PCDHGA1: variants seen among roughly 807,000 people sequenced by gnomAD.
PCDHGA1 encodes the protein protocadherin gamma-A1.
PCDHGA1 carries 32 observed loss-of-function variants against 58.0 expected under a neutral mutation model. The ratio of observed to expected loss-of-function variants is 0.55; its 90% CI spans 0.42 to 0.74. The LOEUF (loss-of-function observed/expected upper bound fraction) is 0.74. Ranked by LOEUF, PCDHGA1 falls within the 30% of genes least tolerant of loss-of-function variation. The pLI is 0.00. For missense variants in PCDHGA1, 1,205 were observed against 1,182.3 expected, an observed-to-expected ratio of 1.02 and a Z score of -0.28; for synonymous variants, 498 against 501.1, an observed-to-expected ratio of 0.99 and a Z score of 0.08.
At chr5:141,346,892 C>A (rs1049996512) in intron 1 of PCDHGA1, among the ~76,000 whole-genome samples, 1 of 152,168 alleles carries the variant, frequency 6.6e-6, no homozygotes, top group Non-Finnish European at 1.5e-5. Context: ...TATAGCTTAT[C>A]CTGATACATA....
At chr5:141,356,034 G>A (rs374294861) in intron 1 of PCDHGA1, 39 of 1,613,910 alleles carry the variant, frequency 2.4e-5, no homozygotes, top group South Asian at 1.2e-4. Context: ...GAGACGTGAC[G>A]TATTCTTTCC....
chr5:141,397,268 T>A (rs532503951), intron 1 of PCDHGA1, among the ~76,000 whole-genome samples: 2 of 152,298 alleles, frequency 1.3e-5, no homozygotes, highest in South Asian at 4.1e-4. Context: ...CTTAGCTACA[T>A]CATATGGGCA....
intron 1 of PCDHGA1, chr5:141,416,346 T>A (rs2096017940): frequency 6.6e-6 from 1 of 152,238 alleles, no homozygotes; most frequent in African/African-American, 2.4e-5. Flanking sequence ...TCAATAGGGA[T>A]CCTGAGGAGG....
intron 1 of PCDHGA1, among the ~76,000 whole-genome samples, chr5:141,449,061 A>G (rs1280366583): frequency 1.3e-5 from 2 of 152,190 alleles, no homozygotes; most frequent in Non-Finnish European, 2.9e-5. Context: ...AATGAGCGCT[A>G]TTGAATAGCC....
intron 1 of PCDHGA1, chr5:141,362,035 G>T (rs1246386759): frequency 1.2e-6 from 2 of 1,609,742 alleles, no homozygotes; most frequent in African/African-American, 1.3e-5. Context: ...TGCCTTGGGC[G>T]ACAGGGACGC....
At chr5:141,475,543 G>A (rs1161883598) in intron 1 of PCDHGA1, among the ~76,000 whole-genome samples, 1 of 152,196 alleles carries the variant, frequency 6.6e-6, no homozygotes, top group African/African-American at 2.4e-5. Flanking sequence ...TACAAGTAGG[G>A]TCCGGCTAAT....
chr5:141,410,553 C>T, intron 1 of PCDHGA1: 1 of 1,613,232 alleles, frequency 6.2e-7, no homozygotes. Context: ...TGCAGTGTTT[C>T]TCCTGGAGCC....
chr5:141,437,408 G>A (rs1591455458), intron 1 of PCDHGA1, among the ~76,000 whole-genome samples: 1 of 152,200 alleles, frequency 6.6e-6, no homozygotes, highest in Non-Finnish European at 1.5e-5. Flanking sequence ...CATTCCAGAA[G>A]TATTATGCTT....
intron 1 of PCDHGA1, among the ~76,000 whole-genome samples, chr5:141,425,459 C>A (rs2096876834): frequency 6.6e-6 from 1 of 152,200 alleles, no homozygotes; most frequent in African/African-American, 2.4e-5. Flanking sequence ...CATCACATTT[C>A]ATGTTATTAA....
rs1020682392 is a variant in PCDHGA1 at position 141,371,814 on chromosome 5, G to A, written c.2421+38709G>A. 2.5e-6 allele frequency: 4 copies of A among 1,613,774 alleles called. No individual in the cohort carries two copies. In the East Asian group the frequency reaches 6.7e-5, roughly 27 times the overall value. Reference sequence around the variant, plus strand: ...TCCGCCTGGAGCCTCCATTGCGCATGTCAGAGCCTCGGATCCCGACTTGGG... The same window carrying A: ...TCCGCCTGGAGCCTCCATTGCGCATATCAGAGCCTCGGATCCCGACTTGGG... On this transcript the variant is annotated intron_variant, in intron 1 of 3. Transcript: ENST00000517417.
At position 141,330,969 on chromosome 5, in the gene PCDHGA1, C is replaced by G; in HGVS notation, c.285C>G (p.Leu95=). 1 of 1,614,188 alleles carries G rather than the reference C, an allele frequency of 6.2e-7. No individual in the cohort carries two copies. The highest frequency in any genetic ancestry group is 1.3e-5 in the African/African-American group (1 of 75,038). The change falls in exon 1 of 4, where the codon CTC becomes CTG. Residue 95 remains leucine (L), a synonymous_variant. Coordinates refer to ENST00000517417, the MANE Select transcript of PCDHGA1 (RefSeq NM_018912.3). ...CGCGCAGGATAGACCGGGAGGAGCT[C>G]TGCGCTCAGAGCATGCCGTGTCTCG... ...ITARRIDREE[L]CAQSMPCLVS... is the part of the protein sequence containing the mutation.
At chr5:141,400,261 C>G in intron 1 of PCDHGA1, 1 of 1,614,058 alleles carries the variant, frequency 6.2e-7, no homozygotes. Context: ...CTTGCGCCTG[C>G]GACGCTCCTC....
Position 141,485,856 on chromosome 5 carries a change from T to C in PCDHGA1, c.2422-8951T>C. ...CCGCCGAGATCTGGCACCGCAGAGC[T>C]CCGGGTATCCGTGCTGGACGTAAAC... is the stretch of plus-strand genomic sequence containing the variant. On this transcript the variant is annotated intron_variant, in intron 1 of 3. Coordinates refer to ENST00000517417, the MANE Select transcript of PCDHGA1 (RefSeq NM_018912.3). The surrounding 1 kb of genome is among the most constrained non-coding windows in gnomAD (Gnocchi z 5.7). 1 of 1,614,108 alleles carries C rather than the reference T, an allele frequency of 6.2e-7. No individual in the cohort carries two copies. The highest frequency in any genetic ancestry group is 8.5e-7 in the Non-Finnish European group (1 of 1,180,014).
In PCDHGA1 at chr5:141,405,117, C is replaced by T. The variant is rs200108286; in HGVS notation, c.2421+72012C>T. On this transcript the variant is annotated intron_variant, in intron 1 of 3. Transcript: ENST00000517417. The stretch of plus-strand genomic sequence containing the variant: ...CTCAGGCTGAGGCACTGGCACTCCT[C>T]GCATCTGCTGCGGGCTACCAGTGAT... The T allele has an allele frequency of 5.6e-5, 90 of 1,613,980 alleles. No individual in the cohort carries two copies. In the East Asian group the frequency reaches 9.6e-4, roughly 17 times the overall value.
chr5:141,403,242 C>A, intron 1 of PCDHGA1: 1 of 1,613,932 alleles, frequency 6.2e-7, no homozygotes, highest in Non-Finnish European at 8.5e-7. Flanking sequence ...GAGCTCTGTG[C>A]TCAGAGCCCG....
intron 1 of PCDHGA1, chr5:141,367,368 TCTA>T (rs1266563786): frequency 1.3e-5 from 2 of 151,884 alleles, no homozygotes; most frequent in Non-Finnish European, 2.9e-5. Flanking sequence ...GAAACCCTGT[TCTA>T]CTAAAAATAC....
At chr5:141,380,617 C>T (rs1024348906) in intron 1 of PCDHGA1, among the ~76,000 whole-genome samples, 3 of 152,156 alleles carry the variant, frequency 2.0e-5, no homozygotes, top group Admixed American at 6.5e-5. Context: ...TTATGATGTT[C>T]GATAACTTAG....
At chr5:141,430,384 A>G (rs547268242) in intron 1 of PCDHGA1, among the ~76,000 whole-genome samples, 32 of 122,116 alleles carry the variant, frequency 2.6e-4, no homozygotes, top group East Asian at 6.6e-4. Context: ...GCTCATTGGG[A>G]AAAAAAAAAA....
intron 1 of PCDHGA1, chr5:141,409,794 C>T (rs1345529657): frequency 1.9e-6 from 3 of 1,611,732 alleles, no homozygotes; most frequent in South Asian, 1.1e-5. Flanking sequence ...TTCGCGCTCA[C>T]GCTGCAGGCC....
Sources: allele counts gnomAD v4.1 joint callset (sites outside exome capture counted in the v4.1 genomes callset), GRCh38; gene constraint gnomAD v4.1.1; non-coding constraint Gnocchi (gnomAD v3.1); transcripts MANE v1.5; gene names NCBI Gene and HGNC (gene_info 2026-07-23, HGNC 2026-07-21).